TRIM7: variants seen among roughly 807,000 people sequenced by gnomAD.
The protein encoded by TRIM7 is E3 ubiquitin-protein ligase TRIM7.
Under a neutral mutation model 37.9 loss-of-function variants are expected in TRIM7, and 32 were observed. The observed-to-expected ratio is 0.84, with a 90% CI of 0.64 to 1.13. The LOEUF is 1.13. TRIM7 is among the 50% of genes most tolerant of loss of function. The pLI is 0.00. For synonymous variants in TRIM7, 351 were observed against 321.3 expected, an observed-to-expected ratio of 1.09 and a Z score of -0.99; for missense variants, 732 against 714.0, an observed-to-expected ratio of 1.03 and a Z score of -0.29.
chr5:181,195,361 G>A lies in TRIM7; in HGVS notation c.1341C>T (p.Ser447=). The A allele has an allele frequency of 6.3e-7, 1 of 1,579,328 alleles. No individual in the cohort carries two copies. Among genetic ancestry groups the A allele is most frequent in the African/African-American group, 1.3e-5 (1 of 74,186 alleles). Residue 447 remains serine (S), a synonymous_variant, in exon 7 of 7, where the codon AGC becomes AGT. Coordinates refer to ENST00000274773, the MANE Select transcript of TRIM7 (RefSeq NM_203293.3). The stretch of plus-strand genomic sequence containing the variant: ...CGCAGCTGAGGGGCGACCGCTCGGG[G>A]CTGGTCACGGCCCAGTACTGGCCGC... The part of the protein sequence containing the change: ...LNGGQYWAVT[S]PERSPLSCGH...
chr5:181,200,584 T>C (rs1757422064), intron 2 of TRIM7: 13 of 1,004,444 alleles, frequency 1.3e-5, no homozygotes, highest in African/African-American at 1.7e-5. Context: ...ACTTGGGAGA[T>C]GTAGGAAAGT....
chr5:181,198,890 G>T, intron 4 of TRIM7, 85 bp from the exon 5 acceptor site: 1 of 1,209,982 alleles, frequency 8.3e-7, no homozygotes, highest in Non-Finnish European at 1.2e-6. Flanking sequence ...AGGTCCTCTT[G>T]GCAGAAAGAG....
rs1757707483 is a variant in TRIM7, at chr5:181,204,628, G to A, written c.483C>T (p.His161=). The A allele has an allele frequency of 2.0e-6, 3 of 1,474,076 alleles. No homozygotes were observed. The highest frequency in any genetic ancestry group is 2.7e-6 in the Non-Finnish European group (3 of 1,125,482). 91.3% of individuals were successfully genotyped at this position (1,474,076 alleles called of 1,614,324 possible). A position where few individuals can be genotyped will look rare whatever the true frequency, so the allele number is the denominator to read the frequency against. The part of the protein sequence containing the change: ...VCDRAREHRE[H]AVLPLDEAVQ... ...CCGCCTCGTCCAGCGGCAGCACGGCGTGCTCGCGGTGCTCGCGGGCGCGGT... is the reference window on the plus strand; with the variant it reads ...CCGCCTCGTCCAGCGGCAGCACGGCATGCTCGCGGTGCTCGCGGGCGCGGT... Residue 161 remains histidine (H), a synonymous_variant, in exon 1 of 7, where the codon CAC becomes CAT. Transcript: ENST00000274773.
In TRIM7 at chr5:181,204,781, C is replaced by T; in HGVS notation, c.330G>A (p.Ala110=). The change falls in exon 1 of 7, where the codon GCG becomes GCA. Residue 110 remains alanine (A), a synonymous_variant. Transcript: ENST00000274773. ...ATLLRRFSLP[A]AAPGEHGSQA... Reference sequence around the variant, plus strand: ...GAGACCCGTGCTCTCCCGGGGCAGCCGCGGGCAGGCTGAAGCGCCGCAGGA... The same window carrying T: ...GAGACCCGTGCTCTCCCGGGGCAGCTGCGGGCAGGCTGAAGCGCCGCAGGA... The T allele has an allele frequency of 7.0e-7, 1 of 1,428,872 alleles. No individual in the cohort carries two copies. The highest frequency in any genetic ancestry group is 9.1e-7 in the Non-Finnish European group (1 of 1,100,544). The allele number at this position is 1,428,872 out of a possible 1,614,324, so 88.5% of individuals were successfully genotyped here.
rs746942365 is a variant in TRIM7 at position 181,199,076 on chromosome 5, G to T, written c.872+19C>A. On this transcript the variant is annotated intron_variant, in intron 4 of 6. Coordinates refer to ENST00000274773, the MANE Select transcript of TRIM7 (RefSeq NM_203293.3). ...AAGAAGCAACTTAGAGAGGCCCCAG[G>T]AGCTGTGAGGTCACTCACCTGCTCA... 1.2e-6 allele frequency: 2 copies of T among 1,614,204 alleles called. No homozygotes were observed. Among genetic ancestry groups the T allele is most frequent in the Non-Finnish European group, 1.7e-6 (2 of 1,180,016 alleles).
Position 181,194,994 on chromosome 5 carries a change from C to T in TRIM7, c.*172G>A, listed in dbSNP as rs565017599. The T allele has an allele frequency of 2.7e-6, 2 of 745,050 alleles. No individual in the cohort carries two copies. The highest frequency in any genetic ancestry group is 2.0e-5 in the South Asian group (1 of 49,088). The allele number at this position is 745,050 out of a possible 1,614,324, so 46.2% of individuals were successfully genotyped here. A position where few individuals can be genotyped will look rare whatever the true frequency, so the allele number is the denominator to read the frequency against. ...GGAGTCCAAAGCCCCTGTTCCCCTGCTCGGTTGGCCACAGTCACTCTCCTG... is the reference window on the plus strand; with the variant it reads ...GGAGTCCAAAGCCCCTGTTCCCCTGTTCGGTTGGCCACAGTCACTCTCCTG... On this transcript the variant is annotated 3_prime_UTR_variant, in exon 7 of 7. Coordinates refer to ENST00000274773, the MANE Select transcript of TRIM7 (RefSeq NM_203293.3).
chr5:181,199,130 A>G lies in TRIM7; in HGVS notation c.850-13T>C. Reference sequence around the variant, plus strand: ...TGCTTTTGAATTCCTGGAAGGAAAGATAGAGGAAACCAAATCAGCATCAGG... The same window carrying G: ...TGCTTTTGAATTCCTGGAAGGAAAGGTAGAGGAAACCAAATCAGCATCAGG... On this transcript the variant is annotated splice_polypyrimidine_tract_variant and intron_variant, in intron 3 of 6. Transcript: ENST00000274773. 6.2e-7 allele frequency: 1 copy of G among 1,614,226 alleles called. No homozygotes were observed.
Position 181,204,763 on chromosome 5 carries a change from G to T in TRIM7, c.348C>A (p.His116Gln). The change falls in exon 1 of 7, where the codon CAC becomes CAA. Residue 116 changes from histidine to glutamine, a missense_variant. Physicochemically the swap from His to Gln is conservative, Grantham distance 24. Transcript: ENST00000274773. ...CCCGGGCCGCGGCCGCCTGAGACCCGTGCTCTCCCGGGGCAGCCGCGGGCA... is the reference window on the plus strand; with the variant it reads ...CCCGGGCCGCGGCCGCCTGAGACCCTTGCTCTCCCGGGGCAGCCGCGGGCA... The part of the protein sequence containing the change: ...FSLPAAAPGE[H>Q]GSQAAAARAA... 1 of 1,446,884 alleles carries T rather than the reference G, an allele frequency of 6.9e-7. No individual in the cohort carries two copies. 89.6% of individuals were successfully genotyped at this position (1,446,884 alleles called of 1,614,324 possible). A position where few individuals can be genotyped will look rare whatever the true frequency, so the allele number is the denominator to read the frequency against.
intron 1 of TRIM7, chr5:181,204,122 C>G (rs1757677340): frequency 1.0e-6 from 1 of 998,220 alleles, no homozygotes; most frequent in Non-Finnish European, 1.2e-6. Flanking sequence ...AACCCGGGAG[C>G]CCCCTCCCTG....
rs771134825 is a variant in TRIM7, at chr5:181,200,087, C to A, written c.619-6G>T. 3.1e-6 allele frequency: 5 copies of A among 1,614,266 alleles called. 1 individual carries two copies. In the South Asian group the frequency reaches 5.5e-5, roughly 18 times the overall value. On this transcript the variant is annotated splice_polypyrimidine_tract_variant and splice_region_variant and intron_variant, in intron 2 of 6. Coordinates refer to ENST00000274773, the MANE Select transcript of TRIM7 (RefSeq NM_203293.3). ...TGCTCCGCTGCCATCTGTTTCTGTCCCAGGAGGAGAAGTTGGAGAGGGACT... is the reference window on the plus strand; with the variant it reads ...TGCTCCGCTGCCATCTGTTTCTGTCACAGGAGGAGAAGTTGGAGAGGGACT...
intron 6 of TRIM7, 111 bp downstream of exon 6, chr5:181,198,071 TG>T: frequency 2.7e-6 from 3 of 1,122,240 alleles, no homozygotes; most frequent in Non-Finnish European, 4.0e-6. Flanking sequence ...GTTGCTGAGG[TG>T]GGTGGGCTGA....
chr5:181,200,434 C>T (rs1408590225), intron 2 of TRIM7: 1 of 1,273,800 alleles, frequency 7.9e-7, no homozygotes, highest in Admixed American at 3.9e-5. Flanking sequence ...CTGGGGCAAC[C>T]ATAGGATTAA....
At chr5:181,203,879 C>G (rs955567921) in intron 1 of TRIM7, 1 of 1,297,292 alleles carries the variant, frequency 7.7e-7, no homozygotes, top group African/African-American at 1.5e-5. Context: ...CTCCGGCAGC[C>G]CTACCCCTAG....
chr5:181,199,257 A>G, intron 3 of TRIM7, 140 bp from the exon 4 acceptor site: 1 of 922,064 alleles, frequency 1.1e-6, no homozygotes, highest in South Asian at 1.4e-5. Context: ...CGTGGGCCTC[A>G]GGGGCAGCAG....
chr5:181,197,595 G>A (rs1757209842), intron 6 of TRIM7: 1 of 154,918 alleles, frequency 6.5e-6, no homozygotes, highest in East Asian at 1.9e-4. Context: ...AGACCTCCAT[G>A]GGGACTCTGA....
At chr5:181,198,271 G>C in intron 5 of TRIM7, 53 bp from the exon 6 acceptor site, 1 of 1,585,244 alleles carries the variant, frequency 6.3e-7, no homozygotes, top group Non-Finnish European at 8.7e-7. Context: ...GAGATTATAT[G>C]GCAAGGTCAC....
rs968594777 is a variant in TRIM7, at chr5:181,205,119, T to C, written c.-9A>G. 51 of 1,310,716 alleles carry C rather than the reference T, an allele frequency of 3.9e-5. No homozygotes were observed. Among genetic ancestry groups the C allele is most frequent in the Non-Finnish European group, 4.9e-5 (50 of 1,030,742 alleles). 81.2% of individuals were successfully genotyped at this position (1,310,716 alleles called of 1,614,324 possible). ...GGTCCCACAGCCGCCATGCGCGCTC[T>C]CCGCGCACCCAGATCTGGTCGCGCC... On this transcript the variant is annotated 5_prime_UTR_variant, in exon 1 of 7. Transcript: ENST00000274773.
chr5:181,194,374 TAAAAG>T lies in TRIM7; in HGVS notation c.*787_*791del, dbSNP rs1398666258. On this transcript the variant is annotated 3_prime_UTR_variant, in exon 7 of 7. Transcript: ENST00000274773. ...GGCAACATAGCAAGACCCAGTCTCT[TAAAAG>T]AAAATTAAAAAGAAAGAGTAAATAA... 5.9e-5 allele frequency: 9 copies of T among 152,354 alleles called. No homozygotes were observed. The highest frequency in any genetic ancestry group is 2.2e-4 in the African/African-American group (9 of 41,558). 9.4% of individuals were successfully genotyped at this position (152,354 alleles called of 1,614,324 possible). A position where few individuals can be genotyped will look rare whatever the true frequency, so the allele number is the denominator to read the frequency against.
At chr5:181,200,366 A>C (rs995162335) in intron 2 of TRIM7, 18 of 1,399,364 alleles carry the variant, frequency 1.3e-5, no homozygotes, top group African/African-American at 1.4e-5. Flanking sequence ...CTCCCCCCAG[A>C]ACTACGCCAA....
Sources: gnomAD v4.1 joint callset for allele counts on GRCh38, gnomAD v4.1.1 for gene constraint, MANE v1.5 for transcripts, NCBI Gene and HGNC (gene_info 2026-07-23, HGNC 2026-07-21) for gene names.